The following LRRK2 variants were observed in gnomAD, a reference collection of about 807,000 sequenced individuals.
LRRK2 encodes the protein leucine-rich repeat serine/threonine-protein kinase 2.
Under a neutral mutation model 302.6 loss-of-function variants are expected in LRRK2, and 203 were observed. The ratio of observed to expected loss-of-function variants is 0.67; its 90% CI spans 0.60 to 0.75. The LOEUF (loss-of-function observed/expected upper bound fraction) is 0.75. Ranked by LOEUF, LRRK2 falls within the 30% of genes least tolerant of loss-of-function variation. The pLI, the probability that LRRK2 is intolerant of heterozygous loss-of-function variation, is 0.00. For missense variants in LRRK2, 2,830 were observed against 2,951.0 expected, an observed-to-expected ratio of 0.96 and a Z score of 0.95; for synonymous variants, 1,066 against 1,031.9, an observed-to-expected ratio of 1.03 and a Z score of -0.63.
At chr12:40,365,297 C>T (rs1946843155) in intron 49 of LRRK2, 2 of 429,366 alleles carry the variant, frequency 4.7e-6, no homozygotes, top group Admixed American at 4.0e-5. Context: ...GTCTTACTTG[C>T]TTTTTTCCTT....
intron 6 of LRRK2, among the ~76,000 whole-genome samples, chr12:40,241,537 T>A (rs1941720118): frequency 6.8e-6 from 1 of 147,892 alleles, no homozygotes; most frequent in Non-Finnish European, 1.5e-5. Context: ...TATGTATTAC[T>A]TGTGTGGGTT....
Position 40,251,794 on chromosome 12 carries a change from A to G in LRRK2, c.1181+250A>G, listed in dbSNP as rs1491939. Reference sequence around the variant, plus strand: ...AGGGTCATTTGGTAATTCATGAATCATGGAGAAAGAATCTTTCTATTTTCT... The same window carrying G: ...AGGGTCATTTGGTAATTCATGAATCGTGGAGAAAGAATCTTTCTATTTTCT... On this transcript the variant is annotated intron_variant, in intron 10 of 50. Transcript: ENST00000298910. 0.15 allele frequency among the ~76,000 whole-genome samples: 22,318 copies of G among 152,202 alleles called. 2,809 individuals carry two copies. Among genetic ancestry groups the G allele is most frequent in the African/African-American group, 0.33 (13,729 of 41,480 alleles).
intron 38 of LRRK2, among the ~76,000 whole-genome samples, chr12:40,324,618 A>C (rs1200502625): frequency 1.3e-5 from 2 of 152,244 alleles, no homozygotes; most frequent in Non-Finnish European, 2.9e-5. Flanking sequence ...TCTGTCAGTC[A>C]GGACATAATA....
intron 14 of LRRK2, among the ~76,000 whole-genome samples, chr12:40,272,758 C>G (rs1001466237): frequency 1.3e-5 from 2 of 151,964 alleles, no homozygotes; most frequent in African/African-American, 2.4e-5. Context: ...TGATAAGCAC[C>G]AATTAAGTTG....
intron 48 of LRRK2, 37 bp from the exon 49 acceptor site, chr12:40,364,805 G>T: frequency 7.0e-7 from 1 of 1,437,270 alleles, no homozygotes; most frequent in South Asian, 1.2e-5. Context: ...TCTCTTAATT[G>T]GTGGTAAAAT....
intron 41 of LRRK2, among the ~76,000 whole-genome samples, chr12:40,345,728 G>A (rs1946173456): frequency 1.3e-5 from 2 of 149,344 alleles, no homozygotes; most frequent in African/African-American, 2.5e-5. Context: ...TGCCCTACTT[G>A]TTCTTTCTTG....
In LRRK2 at chr12:40,257,245, C is replaced by T. The variant is rs762976828; in HGVS notation, c.1289-3C>T. On this transcript the variant is annotated splice_region_variant and splice_polypyrimidine_tract_variant and intron_variant, in intron 11 of 50. Transcript: ENST00000298910. The stretch of plus-strand genomic sequence containing the variant: ...CTATAAGTAACATTTTAAAAAATCT[C>T]AGTTAATTTCAGAAAAATACTGTTA... The T allele has an allele frequency of 2.6e-6, 4 of 1,542,006 alleles. No homozygotes were observed. The highest frequency in any genetic ancestry group is 3.3e-5 in the Admixed American group (2 of 59,708).
chr12:40,284,168 A>G (rs1165939451), intron 19 of LRRK2, 35 bp downstream of exon 19: 9 of 1,556,842 alleles, frequency 5.8e-6, no homozygotes, highest in East Asian at 2.3e-5. Flanking sequence ...TACAATTCTT[A>G]TTTTTAATAG....
intron 3 of LRRK2, 113 bp from the exon 4 acceptor site, chr12:40,235,513 G>C (rs1941409503): frequency 1.4e-6 from 1 of 720,776 alleles, no homozygotes; most frequent in Non-Finnish European, 2.5e-6. Context: ...CTTCACTACA[G>C]GGAATTAAAT....
At chr12:40,351,067 C>T (rs17491652) in intron 43 of LRRK2, among the ~76,000 whole-genome samples, 2,112 of 152,164 alleles carry the variant, frequency 0.014, 49 homozygotes, top group African/African-American at 0.045. Flanking sequence ...TGTTTTCTTA[C>T]GGTGCCTTCA....
rs1457950488 is a variant in LRRK2 at position 40,238,072 on chromosome 12, A to T, written c.540A>T (p.Gly180=). Residue 180 remains glycine, a synonymous_variant, in exon 5 of 51, where the codon GGA becomes GGT. Transcript: ENST00000298910. ...CCAATGATGAAGTCCAGAAACTTGGATGCAAAGCTTTACATGTGCTGTTTG... is the reference window on the plus strand; with the variant it reads ...CCAATGATGAAGTCCAGAAACTTGGTTGCAAAGCTTTACATGTGCTGTTTG... ...FPANDEVQKL[G]CKALHVLFER... 2.5e-6 allele frequency: 4 copies of T among 1,613,764 alleles called. No homozygotes were observed. The South Asian group carries it at 4.4e-5, about 18-fold the overall frequency.
Position 40,251,523 on chromosome 12 carries a change from A to C in LRRK2, c.1160A>C (p.Lys387Thr). The change falls in exon 10 of 51, where the codon AAG becomes ACG. Residue 387 changes from lysine to threonine, a missense_variant. This residue lies in a region of LRRK2 where 2,121 missense variants were observed against 2,148.0 expected (regional missense o/e 0.99). Transcript: ENST00000298910. Reference protein sequence around the residue: ...LLMYQNSLHEKIGDEDGHFPA... With the variant: ...LLMYQNSLHETIGDEDGHFPA... ...ATGTACCAAAACAGTTTACATGAGA[A>C]GATTGGAGATGAAGATGGCCAGTTA... 1 of 1,612,240 alleles carries C rather than the reference A, an allele frequency of 6.2e-7. No homozygotes were observed. Among genetic ancestry groups the C allele is most frequent in the South Asian group, 1.1e-5 (1 of 90,856 alleles).
Position 40,284,054 on chromosome 12 carries a change from A to C in LRRK2, c.2421A>C (p.Gly807=). The change falls in exon 19 of 51, where the codon GGA becomes GGC. Residue 807 remains glycine (G), a synonymous_variant. Transcript: ENST00000298910. ...DVANNSICLG[G]FCIGKVEPSW... The stretch of plus-strand genomic sequence containing the variant: ...CCAACAATAGCATTTGCCTTGGAGG[A>C]TTTTGTATAGGAAAAGTTGAACCTT... 1 of 1,613,646 alleles carries C rather than the reference A, an allele frequency of 6.2e-7. No individual in the cohort carries two copies. Among genetic ancestry groups the C allele is most frequent in the African/African-American group, 1.3e-5 (1 of 75,034 alleles).
chr12:40,232,072 T>C (rs1941227700), intron 2 of LRRK2, among the ~76,000 whole-genome samples: 1 of 152,090 alleles, frequency 6.6e-6, no homozygotes, highest in Non-Finnish European at 1.5e-5. Context: ...TCTGGTATGA[T>C]TTTTGGAGAA....
At chr12:40,333,437 G>A (rs1355700667) in intron 39 of LRRK2, among the ~76,000 whole-genome samples, 1 of 152,068 alleles carries the variant, frequency 6.6e-6, no homozygotes, top group African/African-American at 2.4e-5. Context: ...CATCACACAA[G>A]CTATACATTT....
intron 25 of LRRK2, among the ~76,000 whole-genome samples, 174 bp from the exon 26 acceptor site, chr12:40,302,615 T>C (rs1478005020): frequency 6.6e-6 from 1 of 152,106 alleles, no homozygotes; most frequent in Non-Finnish European, 1.5e-5. Flanking sequence ...TTTTATTGTT[T>C]AGTGGAAGTA....
chr12:40,285,935 C>T (rs1018593149), intron 19 of LRRK2, among the ~76,000 whole-genome samples: 5 of 152,036 alleles, frequency 3.3e-5, no homozygotes, highest in African/African-American at 1.2e-4. Context: ...CTGGTTGTCT[C>T]TGGGTCTTTG....
At chr12:40,291,452 A>G (rs1944156591) in intron 20 of LRRK2, among the ~76,000 whole-genome samples, 1 of 149,742 alleles carries the variant, frequency 6.7e-6, no homozygotes, top group Non-Finnish European at 1.5e-5. Flanking sequence ...ATATATATAA[A>G]TTTAATTTCC....
At position 40,308,702 on chromosome 12, in the gene LRRK2, T is replaced by C; in HGVS notation, c.4189+6T>C. 2 of 1,611,602 alleles carry C rather than the reference T, an allele frequency of 1.2e-6. No homozygotes were observed. The highest frequency in any genetic ancestry group is 1.7e-6 in the Non-Finnish European group (2 of 1,178,126). ...AAATGTGTGGGATTTTGCAGGTATT[T>C]CTTTCTATAGAATTTTAAAATTCAC... On this transcript the variant is annotated splice_donor_region_variant and intron_variant, in intron 29 of 50. Transcript: ENST00000298910.
Sources: allele counts gnomAD v4.1 joint callset (sites outside exome capture counted in the v4.1 genomes callset), GRCh38; gene constraint gnomAD v4.1.1; regional missense constraint gnomAD v4.1.1; transcripts MANE v1.5; gene names NCBI Gene and HGNC (gene_info 2026-07-23, HGNC 2026-07-21).